The following DGKB variants were observed in gnomAD, a reference collection of about 807,000 sequenced individuals.
The protein encoded by DGKB is 90 kDa diacylglycerol kinase.
In DGKB, 67 loss-of-function variants were observed where a neutral mutation model predicts 114.3. The ratio of observed to expected loss-of-function variants is 0.59; its 90% CI spans 0.48 to 0.72. The LOEUF is 0.72. Among genes scored for constraint, DGKB ranks in the 30% least tolerant of loss-of-function variants. The probability of loss-of-function intolerance (pLI) is 0.00; values close to 1 mark genes in which losing one functional copy is unlikely to be tolerated. For synonymous variants in DGKB, 398 were observed against 323.1 expected (o/e 1.23, Z -2.49); for missense variants, 907 against 975.2 (o/e 0.93, Z 0.93).
chr7:14,614,064 C>T (rs568326514), intron 15 of DGKB, among the ~76,000 whole-genome samples: 9 of 152,248 alleles, frequency 5.9e-5, no homozygotes, highest in South Asian at 4.1e-4. Context: ...CGAATTGACT[C>T]GACTATACGT....
rs367949053 is a variant in DGKB at position 14,580,960 on chromosome 7, T to A, written c.1520-9A>T. 7 of 1,534,114 alleles carry A rather than the reference T, an allele frequency of 4.6e-6. No homozygotes were observed. The highest frequency in any genetic ancestry group is 6.2e-6 in the Non-Finnish European group (7 of 1,131,926). On this transcript the variant is annotated splice_polypyrimidine_tract_variant and intron_variant, in intron 18 of 25. Transcript: ENST00000402815. ...GCCTACATTGGCCTTTTCTGCAGAA[T>A]AAAAAAAAATACAAATAAAGAAAAT...
At chr7:14,451,847 A>G (rs1169997684) in intron 21 of DGKB, among the ~76,000 whole-genome samples, 1 of 152,098 alleles carries the variant, frequency 6.6e-6, no homozygotes, top group East Asian at 1.9e-4. Context: ...CTTCACCAGT[A>G]AGAGTGGCCA....
rs763379909 is a variant in DGKB at position 14,601,878 on chromosome 7, T to C, written c.1433+5556A>G. Among the ~76,000 whole-genome samples, 20 of 152,126 alleles carry C rather than the reference T, an allele frequency of 1.3e-4. 1 individual carries two copies. Among genetic ancestry groups the C allele is most frequent in the Admixed American group, 5.9e-4 (9 of 15,264 alleles). On this transcript the variant is annotated intron_variant, in intron 17 of 25. Coordinates refer to ENST00000402815, the MANE Select transcript of DGKB (RefSeq NM_001350709.2). ...TCTAGCAACATTTTGTTCGCAACCA[T>C]GTAGATAATCTCTAAGACTGAACCT...
chr7:14,438,283 G>A (rs1246751954), intron 21 of DGKB, among the ~76,000 whole-genome samples: 1 of 152,082 alleles, frequency 6.6e-6, no homozygotes, highest in Non-Finnish European at 1.5e-5. Flanking sequence ...TAGTGAGGCT[G>A]ATGGAGTCGA....
At chr7:14,196,728 G>T (rs772895024) in intron 23 of DGKB, among the ~76,000 whole-genome samples, 1 of 151,794 alleles carries the variant, frequency 6.6e-6, no homozygotes, top group African/African-American at 2.4e-5. Context: ...CAGTATAAGA[G>T]ATTTTCAGTA....
At position 14,474,667 on chromosome 7, in the gene DGKB, T is replaced by C. The variant is rs144120481; in HGVS notation, c.1835+3494A>G. Among the ~76,000 whole-genome samples, 804 of 152,250 alleles carry C rather than the reference T, an allele frequency of 5.3e-3. 5 individuals carry two copies. The highest frequency in any genetic ancestry group is 0.017 in the Middle Eastern group (5 of 294). On this transcript the variant is annotated intron_variant, in intron 21 of 25. Coordinates refer to ENST00000402815, the MANE Select transcript of DGKB (RefSeq NM_001350709.2). ...ATATCCTTTTTTTCAAAAAAGGAAG[T>C]ATTTAAAGTCATCTCTCTAAATAGC...
chr7:14,333,131 TAGA>T (rs1284667723), intron 23 of DGKB, among the ~76,000 whole-genome samples: 1 of 152,144 alleles, frequency 6.6e-6, no homozygotes, highest in Non-Finnish European at 1.5e-5. Flanking sequence ...AAATCCATTT[TAGA>T]AGTTCTAATT....
chr7:14,835,580 C>A (rs1356570500), intron 2 of DGKB, among the ~76,000 whole-genome samples: 1 of 152,086 alleles, frequency 6.6e-6, no homozygotes, highest in Non-Finnish European at 1.5e-5. Flanking sequence ...ACACAGGGCT[C>A]AGGACAGAAG....
rs140199228 is a variant in DGKB at position 14,959,177 on chromosome 7, A to T, written c.-188+15519T>A. 7.7e-3 allele frequency among the ~76,000 whole-genome samples: 1,165 copies of T among 152,158 alleles called. 10 individuals are homozygous for T. Among genetic ancestry groups the T allele is most frequent in the Non-Finnish European group, 0.013 (882 of 67,988 alleles). ...TTTACCATTTGTTCAGTTATTTTATATTCTTCAGAAAAAAATATTATACAT... is the reference window on the plus strand; with the variant it reads ...TTTACCATTTGTTCAGTTATTTTATTTTCTTCAGAAAAAAATATTATACAT... On this transcript the variant is annotated intron_variant, in intron 1 of 4. Coordinates refer to the DGKB transcript ENST00000437998.
At chr7:14,767,223 T>TTAAAC (rs1319665878) in intron 2 of DGKB, among the ~76,000 whole-genome samples, 2 of 151,788 alleles carry the variant, frequency 1.3e-5, no homozygotes, top group African/African-American at 4.8e-5. Context: ...AAAAAAATTT[T>TTAAAC]TAAACACCCA....
intron 23 of DGKB, among the ~76,000 whole-genome samples, chr7:14,215,264 C>T (rs1037825332): frequency 6.6e-6 from 1 of 152,044 alleles, no homozygotes; most frequent in Non-Finnish European, 1.5e-5. Context: ...GTAGTATAGG[C>T]ATGCATGTGA....
At chr7:14,162,734 G>T (rs28463753) in intron 25 of DGKB, among the ~76,000 whole-genome samples, 165 of 152,212 alleles carry the variant, frequency 1.1e-3, no homozygotes, top group Middle Eastern at 6.8e-3. Context: ...TGACAAAAAT[G>T]TAAGTTTAAT....
Position 14,732,938 on chromosome 7 carries a change from C to A in DGKB, c.322+3103G>T, listed in dbSNP as rs550778423. Reference sequence around the variant, plus strand: ...TATGTGATACAGTTATTTAGACAGACAACATTATCCAGAAATATTTTCTCT... The same window carrying A: ...TATGTGATACAGTTATTTAGACAGAAAACATTATCCAGAAATATTTTCTCT... On this transcript the variant is annotated intron_variant, in intron 5 of 25. Coordinates refer to ENST00000402815, the MANE Select transcript of DGKB (RefSeq NM_001350709.2). Among the ~76,000 whole-genome samples, 3 of 152,232 alleles carry A rather than the reference C, an allele frequency of 2.0e-5. No individual in the cohort carries two copies. The South Asian group carries it at 6.2e-4, about 32-fold the overall frequency.
intron 20 of DGKB, 132 bp from the exon 21 acceptor site, chr7:14,478,357 G>C: frequency 1.9e-6 from 1 of 525,972 alleles, no homozygotes; most frequent in Non-Finnish European, 3.2e-6. Context: ...AGAAGGTTAT[G>C]TAAAATTAGG....
chr7:14,495,923 CAA>C (rs983426157), intron 20 of DGKB, among the ~76,000 whole-genome samples: 1 of 151,128 alleles, frequency 6.6e-6, no homozygotes, highest in African/African-American at 2.4e-5. Flanking sequence ...ATTGACCACA[CAA>C]AAAAAAGAGA....
At chr7:14,784,626 C>T (rs1252238654) in intron 2 of DGKB, among the ~76,000 whole-genome samples, 1 of 152,188 alleles carries the variant, frequency 6.6e-6, no homozygotes, top group Non-Finnish European at 1.5e-5. Flanking sequence ...ATCTGCCCAC[C>T]TCAGCCTCCC....
At chr7:14,714,333 C>G (rs1585906412) in intron 6 of DGKB, among the ~76,000 whole-genome samples, 1 of 152,094 alleles carries the variant, frequency 6.6e-6, no homozygotes, top group African/African-American at 2.4e-5. Flanking sequence ...ACCCTTGTGA[C>G]TAGGACATGG....
At chr7:14,632,927 C>G (rs1281717180) in intron 13 of DGKB, among the ~76,000 whole-genome samples, 2 of 151,854 alleles carry the variant, frequency 1.3e-5, no homozygotes, top group Non-Finnish European at 2.9e-5. Context: ...CAGAAACCCA[C>G]AGCGGCCAAA....
intron 17 of DGKB, among the ~76,000 whole-genome samples, chr7:14,606,599 TA>T (rs1334962099): frequency 0.067 from 9,883 of 148,430 alleles, 1,074 homozygotes; most frequent in African/African-American, 0.23. Flanking sequence ...GCCTTTTTTT[TA>T]AAAAAAAAAA....
Sources: allele counts gnomAD v4.1 joint callset (sites outside exome capture counted in the v4.1 genomes callset), GRCh38; gene constraint gnomAD v4.1.1; transcripts MANE v1.5; gene names NCBI Gene and HGNC (gene_info 2026-07-23, HGNC 2026-07-21).